Variants in PMFBP1 observed in about 807,000 individuals in gnomAD.
The protein encoded by PMFBP1 is polyamine modulated factor 1 binding protein 1, also known as polyamine-modulated factor 1-binding protein 1.
In PMFBP1, 131 loss-of-function variants were observed where a neutral mutation model predicts 137.8. The observed-to-expected ratio is 0.95, with a 90% CI of 0.82 to 1.10. The LOEUF (loss-of-function observed/expected upper bound fraction) is 1.10. Among genes scored for constraint, PMFBP1 ranks in the 50% least tolerant of loss-of-function variants. The pLI is 0.00. For synonymous variants in PMFBP1, 490 were observed against 450.4 expected, an observed-to-expected ratio of 1.09 and a Z score of -1.11; for missense variants, 1,199 against 1,175.4, an observed-to-expected ratio of 1.02 and a Z score of -0.29.
chr16:72,167,765 C>CT (rs2144516434), intron 2 of PMFBP1, among the ~76,000 whole-genome samples: 1 of 152,308 alleles, frequency 6.6e-6, no homozygotes, highest in East Asian at 1.9e-4. Context: ...GCCAAATACC[C>CT]TATACTCTTG....
intron 9 of PMFBP1, 84 bp from the exon 10 acceptor site, chr16:72,133,075 C>A: frequency 1.2e-4 from 182 of 1,506,724 alleles, no homozygotes; most frequent in East Asian, 1.0e-3. Context: ...AGCCCTCATC[C>A]AAGCCACTGG....
intron 16 of PMFBP1, 103 bp from the exon 17 acceptor site, chr16:72,125,037 G>A (rs1274593146): frequency 6.2e-6 from 9 of 1,456,564 alleles, no homozygotes; most frequent in Non-Finnish European, 8.4e-6. Context: ...ATACGTGTTG[G>A]GGGTATTTTC....
At chr16:72,122,883 G>T in intron 19 of PMFBP1, 31 bp downstream of exon 19, 1 of 1,597,938 alleles carries the variant, frequency 6.3e-7, no homozygotes, top group Non-Finnish European at 8.6e-7. Flanking sequence ...CAGCTCCCAG[G>T]AAGCAGCCAG....
upstream of PMFBP1, among the ~76,000 whole-genome samples, chr16:72,176,627 A>G (rs1365849381): frequency 6.6e-6 from 1 of 152,230 alleles, no homozygotes; most frequent in Non-Finnish European, 1.5e-5. Flanking sequence ...TCCACCAGCC[A>G]TCTGGAACAT....
chr16:72,174,791 G>A (rs140355867), upstream of PMFBP1, among the ~76,000 whole-genome samples: 1 of 152,272 alleles, frequency 6.6e-6, no homozygotes, highest in African/African-American at 2.4e-5. Flanking sequence ...CACGAGAACA[G>A]CATGGGGGAA....
the PMFBP1 span, among the ~76,000 whole-genome samples, chr16:72,228,356 C>G: frequency 6.6e-6 from 1 of 152,302 alleles, no homozygotes; most frequent in East Asian, 1.9e-4. Flanking sequence ...TATTCCCTTA[C>G]GATTTTGTTA....
At chr16:72,214,117 T>A in the PMFBP1 span, among the ~76,000 whole-genome samples, 5 of 151,888 alleles carry the variant, frequency 3.3e-5, no homozygotes, top group Admixed American at 6.6e-5. Context: ...GCTAGAAGAG[T>A]TGAAAGTGGT....
the PMFBP1 span, among the ~76,000 whole-genome samples, chr16:72,197,917 TGACA>T: frequency 1.3e-5 from 2 of 152,108 alleles, no homozygotes; most frequent in African/African-American, 2.4e-5. Context: ...GTCCCCTCCC[TGACA>T]AAGTTGGCCA....
At chr16:72,130,021 AT>A (rs34309753) in intron 12 of PMFBP1, among the ~76,000 whole-genome samples, 191 bp downstream of exon 12, 28,605 of 140,624 alleles carry the variant, frequency 0.2, 3,083 homozygotes, top group African/African-American at 0.34. Context: ...TAATGTTTGT[AT>A]TTTTTTTTTT....
At chr16:72,210,938 T>C in the PMFBP1 span, among the ~76,000 whole-genome samples, 2 of 152,226 alleles carry the variant, frequency 1.3e-5, no homozygotes, top group Admixed American at 1.3e-4. Context: ...AGATCTTCCA[T>C]ATGCCAGAAG....
At chr16:72,128,277 T>C (rs2042491316) in intron 14 of PMFBP1, 2 of 862,118 alleles carry the variant, frequency 2.3e-6, no homozygotes, top group Non-Finnish European at 3.1e-6. Flanking sequence ...ACTTGTGTAA[T>C]GAAAAATAAC....
At chr16:72,164,164 C>A (rs894410376) in intron 3 of PMFBP1, among the ~76,000 whole-genome samples, 5 of 152,092 alleles carry the variant, frequency 3.3e-5, no homozygotes, top group African/African-American at 1.2e-4. Flanking sequence ...CCTCGGGTTA[C>A]CTCTGATTAG....
the PMFBP1 span, among the ~76,000 whole-genome samples, chr16:72,194,802 T>C: frequency 6.6e-6 from 1 of 152,200 alleles, no homozygotes; most frequent in Non-Finnish European, 1.5e-5. Flanking sequence ...CTTGGTTTCC[T>C]GGGCAGAGAA....
At position 72,126,074 on chromosome 16, in the gene PMFBP1, T is replaced by C. The variant is rs2042452328; in HGVS notation, c.2147A>G (p.Gln716Arg). 1 of 1,614,104 alleles carries C rather than the reference T, an allele frequency of 6.2e-7. No homozygotes were observed. Among genetic ancestry groups the C allele is most frequent in the African/African-American group, 1.3e-5 (1 of 74,932 alleles). Residue 716 changes from glutamine to arginine, a missense_variant, in exon 15 of 21, where the codon CAG (glutamine) becomes CGG (arginine). Gln to Arg is a conservative substitution (Grantham distance 43). Coordinates refer to ENST00000237353, the MANE Select transcript of PMFBP1 (RefSeq NM_031293.3). The part of the protein sequence containing the change: ...SLQAQLDKAL[Q>R]KEKHYLQTTI... Reference sequence around the variant, plus strand: ...AGTCTGGAGATAGTGCTTCTCCTTCTGCAGAGCTTTGTCCAGCTGGGCCTG... The same window carrying C: ...AGTCTGGAGATAGTGCTTCTCCTTCCGCAGAGCTTTGTCCAGCTGGGCCTG...
chr16:72,230,684 A>C, the PMFBP1 span, among the ~76,000 whole-genome samples: 1 of 152,130 alleles, frequency 6.6e-6, no homozygotes, highest in South Asian at 2.1e-4. Flanking sequence ...TCTCAACCCC[A>C]CATCTAAGTA....
upstream of PMFBP1, among the ~76,000 whole-genome samples, chr16:72,180,611 C>G (rs1039568748): frequency 5.3e-5 from 8 of 151,464 alleles, no homozygotes; most frequent in Non-Finnish European, 1.0e-4. Flanking sequence ...AAGCAGGGAT[C>G]GATAGTGTTT....
chr16:72,123,450 G>C (rs1012214514), intron 18 of PMFBP1, 96 bp downstream of exon 18: 11 of 1,011,324 alleles, frequency 1.1e-5, no homozygotes, highest in Non-Finnish European at 1.7e-5. Flanking sequence ...TTTTCCAGGA[G>C]TGCAGGGGTG....
At chr16:72,166,779 A>G (rs538774187) in intron 2 of PMFBP1, among the ~76,000 whole-genome samples, 23 of 152,356 alleles carry the variant, frequency 1.5e-4, no homozygotes, top group African/African-American at 5.3e-4. Flanking sequence ...TCAATGGCCA[A>G]TGGCCATCCC....
At chr16:72,238,682 A>G in the PMFBP1 span, among the ~76,000 whole-genome samples, 1 of 152,200 alleles carries the variant, frequency 6.6e-6, no homozygotes, top group Non-Finnish European at 1.5e-5. Flanking sequence ...CTATGTTTTG[A>G]GCATATTTTC....
Sources: allele counts gnomAD v4.1 joint callset (sites outside exome capture counted in the v4.1 genomes callset), GRCh38; gene constraint gnomAD v4.1.1; transcripts MANE v1.5; gene names NCBI Gene and HGNC (gene_info 2026-07-23, HGNC 2026-07-21).